Variants in KBTBD13 observed in about 807,000 individuals in gnomAD.
KBTBD13 encodes the protein kelch repeat and BTB domain containing 13, also known as kelch repeat and BTB domain-containing protein 13.
In KBTBD13, 32 loss-of-function variants were observed where a neutral mutation model predicts 25.4. That is an observed-to-expected ratio of 1.26 (90% confidence interval 0.95 to 1.69). The LOEUF is 1.69. Ranked by LOEUF, KBTBD13 falls within the 40% of genes most tolerant of loss-of-function variation. The pLI is 0.00. For missense variants in KBTBD13, 898 were observed against 679.5 expected (o/e 1.32, Z -3.57); for synonymous variants, 436 against 329.8 (o/e 1.32, Z -3.49).
In KBTBD13 at chr15:65,077,027, C is replaced by G. The variant is rs759104102; in HGVS notation, c.212C>G (p.Ala71Gly). ...CAGGTGCTGCGCGGCGACCGGCCGG[C>G]GCTGGCGGCGGAGGACGAGCTGCTG... Reference protein sequence around the residue: ...TLQVLRGDRPALAAEDELLQA... With the variant: ...TLQVLRGDRPGLAAEDELLQA... The change falls in exon 1 of 1, where the codon GCG becomes GGG. Residue 71 changes from alanine (A) to glycine (G), a missense_variant. Coordinates refer to ENST00000432196, the MANE Select transcript of KBTBD13 (RefSeq NM_001101362.3). The G allele has an allele frequency of 6.7e-7, 1 of 1,498,392 alleles. No individual in the cohort carries two copies. The highest frequency in any genetic ancestry group is 8.9e-7 in the Non-Finnish European group (1 of 1,126,796). The allele number at this position is 1,498,392 out of a possible 1,614,324, so 92.8% of individuals were successfully genotyped here. A position where few individuals can be genotyped will look rare whatever the true frequency, so the allele number is the denominator to read the frequency against.
rs1566959692 is a variant in KBTBD13 at position 65,077,011 on chromosome 15, C to T, written c.196C>T (p.Arg66Cys). The T allele has an allele frequency of 4.6e-6, 7 of 1,512,190 alleles. No homozygotes were observed. The highest frequency in any genetic ancestry group is 2.5e-5 in the South Asian group (2 of 80,510). The allele number at this position is 1,512,190 out of a possible 1,614,324, so 93.7% of individuals were successfully genotyped here. The change falls in exon 1 of 1, where the codon CGC becomes TGC. Residue 66 changes from arginine (R) to cysteine (C), a missense_variant. Coordinates refer to ENST00000432196, the MANE Select transcript of KBTBD13 (RefSeq NM_001101362.3). ...TTTCCGCGCCACGCTGCAGGTGCTG[C>T]GCGGCGACCGGCCGGCGCTGGCGGC... ...GGFRATLQVLRGDRPALAAED... is the reference protein window; with the variant it reads ...GGFRATLQVLCGDRPALAAED...
rs1131691634 is a variant in KBTBD13 at position 65,077,821 on chromosome 15, C to A, written c.1006C>A (p.Leu336Met). The change falls in exon 1 of 1, where the codon CTG becomes ATG. Residue 336 changes from leucine (L) to methionine (M), a missense_variant. Physicochemically the swap from Leu to Met is conservative, Grantham distance 15. Transcript: ENST00000432196. ...CGACGCGTGGCTGCCAGTGGCCGAG[C>A]TGCGGCGTCCGCAGAGCTATGGCCA... ...RTDAWLPVAELRRPQSYGHCM... is the reference protein window; with the variant it reads ...RTDAWLPVAEMRRPQSYGHCM... 3 of 1,605,500 alleles carry A rather than the reference C, an allele frequency of 1.9e-6. No homozygotes were observed. In the Admixed American group the frequency reaches 5.0e-5, roughly 27 times the overall value.
rs747095868 is a variant in KBTBD13, at chr15:65,076,998, G to A, written c.183G>A (p.Thr61=). ...TGAGCGCGGGAGGTTTCCGCGCCAC[G>A]CTGCAGGTGCTGCGCGGCGACCGGC... is the stretch of plus-strand genomic sequence containing the variant. ...GVLSAGGFRA[T]LQVLRGDRPA... Residue 61 remains threonine, a synonymous_variant, in exon 1 of 1, where the codon ACG becomes ACA. Coordinates refer to ENST00000432196, the MANE Select transcript of KBTBD13 (RefSeq NM_001101362.3). 1 of 1,525,466 alleles carries A rather than the reference G, an allele frequency of 6.6e-7. No homozygotes were observed. Among genetic ancestry groups the A allele is most frequent in the South Asian group, 1.2e-5 (1 of 82,648 alleles). The allele number at this position is 1,525,466 out of a possible 1,614,324, so 94.5% of individuals were successfully genotyped here.
In KBTBD13 at chr15:65,078,205, C is replaced by A; in HGVS notation, c.*13C>A. ...GGCAGAACTGTGACCTCTGGGCTGG[C>A]TTTAGGAGGGAGGAGACGCCGCGAC... On this transcript the variant is annotated 3_prime_UTR_variant, in exon 1 of 1. Transcript: ENST00000432196. The A allele has an allele frequency of 6.5e-7, 1 of 1,532,844 alleles. No homozygotes were observed. The highest frequency in any genetic ancestry group is 8.7e-7 in the Non-Finnish European group (1 of 1,143,486). The allele number at this position is 1,532,844 out of a possible 1,614,324, so 95.0% of individuals were successfully genotyped here. A position where few individuals can be genotyped will look rare whatever the true frequency, so the allele number is the denominator to read the frequency against.
Position 65,077,025 on chromosome 15 carries a change from G to A in KBTBD13, c.210G>A (p.Pro70=), listed in dbSNP as rs751494294. The A allele has an allele frequency of 6.0e-6, 9 of 1,498,306 alleles. No individual in the cohort carries two copies. Among genetic ancestry groups the A allele is most frequent in the Middle Eastern group, 1.9e-4 (1 of 5,288 alleles). 92.8% of individuals were successfully genotyped at this position (1,498,306 alleles called of 1,614,324 possible). ...ATLQVLRGDR[P]ALAAEDELLQ... is the part of the protein sequence containing the mutation. ...TGCAGGTGCTGCGCGGCGACCGGCC[G>A]GCGCTGGCGGCGGAGGACGAGCTGC... The change falls in exon 1 of 1, where the codon CCG becomes CCA. Residue 70 remains proline, a synonymous_variant. Transcript: ENST00000432196.
At position 65,077,627 on chromosome 15, in the gene KBTBD13, C is replaced by G; in HGVS notation, c.812C>G (p.Pro271Arg). Residue 271 changes from proline (P) to arginine (R), a missense_variant, in exon 1 of 1, where the codon CCC (proline) becomes CGC (arginine). Pro to Arg is a moderately radical substitution (Grantham distance 103, BLOSUM62 -2). Coordinates refer to ENST00000432196, the MANE Select transcript of KBTBD13 (RefSeq NM_001101362.3). ...YAIGGEFQRT[P>R]ISSVERYDPA... ...ATCGGCGGCGAATTCCAGAGGACGC[C>G]CATCAGCTCCGTGGAGCGCTACGAC... 1.3e-6 allele frequency: 2 copies of G among 1,589,480 alleles called. No homozygotes were observed. Among genetic ancestry groups the G allele is most frequent in the Non-Finnish European group, 1.7e-6 (2 of 1,174,326 alleles).
rs879424375 is a variant in KBTBD13, at chr15:65,077,084, C to A, written c.269C>A (p.Ala90Glu). Residue 90 changes from alanine (A) to glutamate (E), a missense_variant, in exon 1 of 1, where the codon GCG becomes GAG. Transcript: ENST00000432196. ...QAVECAAFLQ[A>E]PALARFLEHN... ...GTGGAGTGCGCCGCCTTCCTCCAGG[C>A]GCCGGCGCTGGCTCGCTTTCTGGAG... The A allele has an allele frequency of 2.0e-6, 3 of 1,516,124 alleles. No homozygotes were observed. Among genetic ancestry groups the A allele is most frequent in the African/African-American group, 2.8e-5 (2 of 70,712 alleles). 93.9% of individuals were successfully genotyped at this position (1,516,124 alleles called of 1,614,324 possible). A position where few individuals can be genotyped will look rare whatever the true frequency, so the allele number is the denominator to read the frequency against.
rs949961867 is a variant in KBTBD13, at chr15:65,076,761, T to G, written c.-55T>G. 4 of 1,458,210 alleles carry G rather than the reference T, an allele frequency of 2.7e-6. No homozygotes were observed. The African/African-American group carries it at 5.7e-5, about 21-fold the overall frequency. The allele number at this position is 1,458,210 out of a possible 1,614,324, so 90.3% of individuals were successfully genotyped here. ...TTTTTGCTCCAGGGGAGCCCCAGAG[T>G]TGGTGGCTGGCTAACCCAAGGCCCC... On this transcript the variant is annotated 5_prime_UTR_variant, in exon 1 of 1. Coordinates refer to ENST00000432196, the MANE Select transcript of KBTBD13 (RefSeq NM_001101362.3).
Position 65,076,854 on chromosome 15 carries a change from G to T in KBTBD13, c.39G>T (p.Val13=). ...CACAGACCCTGGTGCAGGTGTGGGT[G>T]GGCGGCCAGCTCTTCCAAGCCGACC... ...RGPQTLVQVW[V]GGQLFQADRA... is the part of the protein sequence containing the mutation. The change falls in exon 1 of 1, where the codon GTG becomes GTT. Residue 13 remains valine, a synonymous_variant. Transcript: ENST00000432196. The T allele has an allele frequency of 1.3e-6, 2 of 1,562,224 alleles. No homozygotes were observed. The highest frequency in any genetic ancestry group is 1.7e-6 in the Non-Finnish European group (2 of 1,161,618).
In KBTBD13 at chr15:65,077,604, C is replaced by G; in HGVS notation, c.789C>G (p.Ile263Met). ...GCTTCGACGGCCGCCTCTACGCCAT[C>G]GGCGGCGAATTCCAGAGGACGCCCA... Reference protein sequence around the residue: ...LAGFDGRLYAIGGEFQRTPIS... With the variant: ...LAGFDGRLYAMGGEFQRTPIS... Residue 263 changes from isoleucine to methionine, a missense_variant, in exon 1 of 1, where the codon ATC becomes ATG. Transcript: ENST00000432196. 1 of 1,578,526 alleles carries G rather than the reference C, an allele frequency of 6.3e-7. No individual in the cohort carries two copies. Among genetic ancestry groups the G allele is most frequent in the East Asian group, 2.3e-5 (1 of 43,226 alleles).
Position 65,078,152 on chromosome 15 carries a change from G to C in KBTBD13, c.1337G>C (p.Gly446Ala), listed in dbSNP as rs976528181. Residue 446 changes from glycine (G) to alanine (A), a missense_variant, in exon 1 of 1, where the codon GGC (glycine) becomes GCC (alanine). Transcript: ENST00000432196. ...LQTFLLRLPP[G>A]APGPVTSTTA... ...ACCTTTCTCCTAAGGCTGCCTCCTGGCGCTCCTGGGCCTGTGACTTCGACA... is the reference window on the plus strand; with the variant it reads ...ACCTTTCTCCTAAGGCTGCCTCCTGCCGCTCCTGGGCCTGTGACTTCGACA... 4 of 1,545,904 alleles carry C rather than the reference G, an allele frequency of 2.6e-6. No individual in the cohort carries two copies. In the African/African-American group the frequency reaches 5.5e-5, roughly 21 times the overall value.
chr15:65,077,134 G>A lies in KBTBD13; in HGVS notation c.319G>A (p.Ala107Thr), dbSNP rs944999468. 28 of 1,518,814 alleles carry A rather than the reference G, an allele frequency of 1.8e-5. 1 individual carries two copies. Among genetic ancestry groups the A allele is most frequent in the Admixed American group, 1.0e-4 (5 of 49,302 alleles). 94.1% of individuals were successfully genotyped at this position (1,518,814 alleles called of 1,614,324 possible). A position where few individuals can be genotyped will look rare whatever the true frequency, so the allele number is the denominator to read the frequency against. The part of the protein sequence containing the change: ...LEHNLTSDNC[A>T]LLCDAAAAFG... ...GCACAACCTCACGTCGGACAACTGCGCATTGCTGTGCGACGCGGCCGCCGC... is the reference window on the plus strand; with the variant it reads ...GCACAACCTCACGTCGGACAACTGCACATTGCTGTGCGACGCGGCCGCCGC... Residue 107 changes from alanine (A) to threonine (T), a missense_variant, in exon 1 of 1, where the codon GCA (alanine) becomes ACA (threonine). By Grantham distance (58) the Ala-to-Thr change is moderately conservative (BLOSUM62 0). Coordinates refer to ENST00000432196, the MANE Select transcript of KBTBD13 (RefSeq NM_001101362.3).
rs1481139832 is a variant in KBTBD13 at position 65,077,433 on chromosome 15, G to C, written c.618G>C (p.Thr206=). ...GCACGTTGCTGGCCGGGGTGGCCAC[G>C]CTGGGCAACAAGCTTTACATCGTGG... ...EASTLLAGVA[T]LGNKLYIVGG... The change falls in exon 1 of 1, where the codon ACG becomes ACC. Residue 206 remains threonine, a synonymous_variant. Coordinates refer to ENST00000432196, the MANE Select transcript of KBTBD13 (RefSeq NM_001101362.3). 1 of 1,528,180 alleles carries C rather than the reference G, an allele frequency of 6.5e-7. No homozygotes were observed. The highest frequency in any genetic ancestry group is 1.2e-5 in the South Asian group (1 of 83,678). The allele number at this position is 1,528,180 out of a possible 1,614,324, so 94.7% of individuals were successfully genotyped here.
chr15:65,077,026 G>GC lies in KBTBD13; in HGVS notation c.212dup (p.Leu72AlafsTer73). The stretch of plus-strand genomic sequence containing the variant: ...GCAGGTGCTGCGCGGCGACCGGCCG[G>GC]CGCTGGCGGCGGAGGACGAGCTGCT... On this transcript the variant is annotated frameshift_variant, in exon 1 of 1. Coordinates refer to ENST00000432196, the MANE Select transcript of KBTBD13 (RefSeq NM_001101362.3). LOFTEE classifies it high-confidence loss of function. 6.7e-7 allele frequency: 1 copy of GC among 1,498,798 alleles called. No homozygotes were observed. Among genetic ancestry groups the GC allele is most frequent in the African/African-American group, 1.4e-5 (1 of 70,112 alleles). 92.8% of individuals were successfully genotyped at this position (1,498,798 alleles called of 1,614,324 possible). A position where few individuals can be genotyped will look rare whatever the true frequency, so the allele number is the denominator to read the frequency against.
chr15:65,077,663 G>C lies in KBTBD13; in HGVS notation c.848G>C (p.Gly283Ala), dbSNP rs1048628133. 4 of 1,586,494 alleles carry C rather than the reference G, an allele frequency of 2.5e-6. No individual in the cohort carries two copies. The East Asian group carries it at 6.8e-5, about 27-fold the overall frequency. The change falls in exon 1 of 1, where the codon GGC (glycine) becomes GCC (alanine). Residue 283 changes from glycine to alanine, a missense_variant. By Grantham distance (60) the Gly-to-Ala change is moderately conservative. Coordinates refer to ENST00000432196, the MANE Select transcript of KBTBD13 (RefSeq NM_001101362.3). ...GTGGAGCGCTACGACCCAGCCGCGG[G>C]CTGCTGGAGTTTCGTGGCCGACCTG... The part of the protein sequence containing the change: ...SSVERYDPAA[G>A]CWSFVADLPQ...
Position 65,077,997 on chromosome 15 carries a change from C to G in KBTBD13, c.1182C>G (p.Phe394Leu), listed in dbSNP as rs750695221. ...GQFVNSKGAL[F>L]TAVVRGDTVY... Reference sequence around the variant, plus strand: ...TCGTCAACAGCAAGGGAGCGCTCTTCACGGCCGTGGTGCGCGGTGACACCG... The same window carrying G: ...TCGTCAACAGCAAGGGAGCGCTCTTGACGGCCGTGGTGCGCGGTGACACCG... Residue 394 changes from phenylalanine to leucine, a missense_variant, in exon 1 of 1, where the codon TTC (phenylalanine) becomes TTG (leucine). By Grantham distance (22) the Phe-to-Leu change is conservative. Transcript: ENST00000432196. The G allele has an allele frequency of 6.2e-7, 1 of 1,609,106 alleles. No homozygotes were observed. The highest frequency in any genetic ancestry group is 8.5e-7 in the Non-Finnish European group (1 of 1,179,736).
rs536164662 is a variant in KBTBD13, at chr15:65,077,058, C to T, written c.243C>T (p.Ala81=). Residue 81 remains alanine, a synonymous_variant, in exon 1 of 1, where the codon GCC becomes GCT. Coordinates refer to ENST00000432196, the MANE Select transcript of KBTBD13 (RefSeq NM_001101362.3). ...CGGCGGAGGACGAGCTGCTGCAGGC[C>T]GTGGAGTGCGCCGCCTTCCTCCAGG... ...ALAAEDELLQ[A]VECAAFLQAP... is the part of the protein sequence containing the mutation. 2.1e-5 allele frequency: 31 copies of T among 1,511,978 alleles called. No individual in the cohort carries two copies. Among genetic ancestry groups the T allele is most frequent in the African/African-American group, 1.7e-4 (12 of 70,648 alleles). 93.7% of individuals were successfully genotyped at this position (1,511,978 alleles called of 1,614,324 possible).
At position 65,076,876 on chromosome 15, in the gene KBTBD13, G is replaced by C. The variant is rs375411674; in HGVS notation, c.61G>C (p.Asp21His). ...VWVGGQLFQA[D>H]RALLVEHCGF... ...GGTGGGCGGCCAGCTCTTCCAAGCC[G>C]ACCGCGCCCTGCTGGTGGAGCACTG... The change falls in exon 1 of 1, where the codon GAC becomes CAC. Residue 21 changes from aspartate to histidine, a missense_variant. Coordinates refer to ENST00000432196, the MANE Select transcript of KBTBD13 (RefSeq NM_001101362.3). 15 of 1,564,838 alleles carry C rather than the reference G, an allele frequency of 9.6e-6. No individual in the cohort carries two copies. Among genetic ancestry groups the C allele is most frequent in the Middle Eastern group, 2.2e-4 (1 of 4,588 alleles).
chr15:65,076,980 G>C lies in KBTBD13; in HGVS notation c.165G>C (p.Ala55=), dbSNP rs779148387. The part of the protein sequence containing the change: ...AAEVRLGVLS[A]GGFRATLQVL... ...AGGTGCGCCTGGGCGTTCTGAGCGC[G>C]GGAGGTTTCCGCGCCACGCTGCAGG... The change falls in exon 1 of 1, where the codon GCG becomes GCC. Residue 55 remains alanine (A), a synonymous_variant. Transcript: ENST00000432196. 6.5e-6 allele frequency: 10 copies of C among 1,540,372 alleles called. No homozygotes were observed. Among genetic ancestry groups the C allele is most frequent in the Admixed American group, 3.9e-5 (2 of 51,882 alleles).
Sources: gnomAD v4.1 joint callset for allele counts on GRCh38, gnomAD v4.1.1 for gene constraint, MANE v1.5 for transcripts, NCBI Gene and HGNC (gene_info 2026-07-23, HGNC 2026-07-21) for gene names.